The following TNIP2 variants were observed in gnomAD, a reference collection of about 807,000 sequenced individuals.
TNIP2 encodes the protein TNFAIP3-interacting protein 2.
TNIP2 carries 30 observed loss-of-function variants against 43.7 expected under a neutral mutation model. The observed-to-expected ratio is 0.69, with a 90% CI of 0.51 to 0.93. TNIP2 has a LOEUF of 0.93. Ranked by LOEUF, TNIP2 falls within the 40% of genes least tolerant of loss-of-function variation. The probability of loss-of-function intolerance (pLI) is 0.00; values close to 1 mark genes in which losing one functional copy is unlikely to be tolerated. For missense variants in TNIP2, 599 were observed against 591.0 expected (o/e 1.01, Z -0.14); for synonymous variants, 260 against 254.6 (o/e 1.02, Z -0.20).
At chr4:2,747,044 G>GC (rs1401831831) in intron 2 of TNIP2, among the ~76,000 whole-genome samples, 4 of 152,204 alleles carry the variant, frequency 2.6e-5, no homozygotes, top group Non-Finnish European at 5.9e-5. Context: ...TGGTGCCGCT[G>GC]CCCCCGGCCC....
In TNIP2 at chr4:2,744,276, C is replaced by G; in HGVS notation, c.1026+111G>C. The stretch of plus-strand genomic sequence containing the variant: ...CAGCAGGGAGGGGCTCGCCACAACC[C>G]TCATCACCAGCAAATCAGGGCCTTG... On this transcript the variant is annotated intron_variant, in intron 5 of 5. Transcript: ENST00000315423. The surrounding 1 kb of genome is among the most constrained non-coding windows in gnomAD (Gnocchi z 5.1). 6.9e-7 allele frequency: 1 copy of G among 1,439,812 alleles called. No homozygotes were observed. The highest frequency in any genetic ancestry group is 1.3e-5 in the South Asian group (1 of 78,248). 89.2% of individuals were successfully genotyped at this position (1,439,812 alleles called of 1,614,324 possible). A position where few individuals can be genotyped will look rare whatever the true frequency, so the allele number is the denominator to read the frequency against.
At position 2,744,529 on chromosome 4, in the gene TNIP2, T is replaced by A; in HGVS notation, c.907-23A>T. ...AATCTGAAGAGAGGCGAGACACACATTTCTGCTCAAGGAAGGAGGAAGCGC... is the reference window on the plus strand; with the variant it reads ...AATCTGAAGAGAGGCGAGACACACAATTCTGCTCAAGGAAGGAGGAAGCGC... On this transcript the variant is annotated intron_variant, in intron 4 of 5. Transcript: ENST00000315423. This position sits in a 1 kb window ranked among gnomAD's most constrained non-coding sequence, Gnocchi z 5.1. The A allele has an allele frequency of 1.2e-6, 2 of 1,614,024 alleles. No individual in the cohort carries two copies. Among genetic ancestry groups the A allele is most frequent in the Non-Finnish European group, 1.7e-6 (2 of 1,179,976 alleles).
chr4:2,753,088 AAAAAT>A (rs1722142664), intron 1 of TNIP2, among the ~76,000 whole-genome samples: 1 of 152,184 alleles, frequency 6.6e-6, no homozygotes, highest in Non-Finnish European at 1.5e-5. Context: ...AAATAAAAAT[AAAAAT>A]AAAAAAACAA....
chr4:2,743,889 C>T (rs999730539), intron 5 of TNIP2, among the ~76,000 whole-genome samples: 4 of 152,226 alleles, frequency 2.6e-5, no homozygotes, highest in Non-Finnish European at 5.9e-5. Flanking sequence ...CCAGGCCTCC[C>T]TCAAGGCACC....
In TNIP2 at chr4:2,747,873, G is replaced by A. The variant is rs752454015; in HGVS notation, c.349C>T (p.His117Tyr). 1 of 1,613,832 alleles carries A rather than the reference G, an allele frequency of 6.2e-7. No individual in the cohort carries two copies. The highest frequency in any genetic ancestry group is 1.7e-5 in the Admixed American group (1 of 60,028). ...AGGACGACTTCCTTCTCTCGCTCGT[G>A]TTGGGGCTGGCTCAGCAGCTGCTGC... Reference protein sequence around the residue: ...EMQQLLSQPQHEREKEVVLLR... With the variant: ...EMQQLLSQPQYEREKEVVLLR... The change falls in exon 2 of 6, where the codon CAC becomes TAC. Residue 117 changes from histidine (H) to tyrosine (Y), a missense_variant. By Grantham distance (83) the His-to-Tyr change is moderately conservative (BLOSUM62 2). Transcript: ENST00000315423.
chr4:2,744,703 T>A lies in TNIP2; in HGVS notation c.900A>T (p.Glu300Asp). Residue 300 changes from glutamate (E) to aspartate (D), a missense_variant, in exon 4 of 6, where the codon GAA (glutamate) becomes GAT (aspartate). Physicochemically the swap from Glu to Asp is conservative, Grantham distance 45 (BLOSUM62 2). Transcript: ENST00000315423. The surrounding 1 kb of genome is among the most constrained non-coding windows in gnomAD (Gnocchi z 5.1). ...GAGCCCGAGGGACAGACACCTGCTG[T>A]TCCAGCATCTGCACCCGCTCCAACG... ...DAALERVQML[E>D]QQILAYKDDF... is the part of the protein sequence containing the mutation. 1 of 1,602,100 alleles carries A rather than the reference T, an allele frequency of 6.2e-7. No homozygotes were observed. Among genetic ancestry groups the A allele is most frequent in the Non-Finnish European group, 8.5e-7 (1 of 1,179,136 alleles).
chr4:2,747,236 G>C (rs950041901), intron 2 of TNIP2, among the ~76,000 whole-genome samples: 6 of 152,218 alleles, frequency 3.9e-5, no homozygotes, highest in African/African-American at 9.6e-5. Context: ...CAGGAGTTTG[G>C]GGTGTGGAAC....
In TNIP2 at chr4:2,742,401, C is replaced by T. The variant is rs1407754329; in HGVS notation, c.1146G>A (p.Gln382=). The part of the protein sequence containing the change: ...PGGWRPGTGS[Q]QPEPPAEGGH... The stretch of plus-strand genomic sequence containing the variant: ...CGCCCTCTGCAGGGGGTTCTGGCTG[C>T]TGGGACCCAGTCCCAGGCCTCCAGC... The change falls in exon 6 of 6, where the codon CAG becomes CAA. Residue 382 remains glutamine (Q), a synonymous_variant. Transcript: ENST00000315423. 1 of 1,611,546 alleles carries T rather than the reference C, an allele frequency of 6.2e-7. No individual in the cohort carries two copies. Among genetic ancestry groups the T allele is most frequent in the Admixed American group, 1.7e-5 (1 of 59,752 alleles).
chr4:2,750,058 C>T (rs1367685981), intron 1 of TNIP2, among the ~76,000 whole-genome samples: 6 of 152,184 alleles, frequency 3.9e-5, no homozygotes, highest in Non-Finnish European at 8.8e-5. Flanking sequence ...CTGCCTCAGC[C>T]TCCCAAAGTG....
At chr4:2,755,967 C>G in intron 1 of TNIP2, 47 bp downstream of exon 1, 1 of 1,499,360 alleles carries the variant, frequency 6.7e-7, no homozygotes, top group Non-Finnish European at 8.8e-7. Context: ...CGGCGGCCGC[C>G]ACACGCACTC....
At position 2,744,624 on chromosome 4, in the gene TNIP2, T is replaced by A; in HGVS notation, c.906+73A>T. On this transcript the variant is annotated intron_variant, in intron 4 of 5. Coordinates refer to ENST00000315423, the MANE Select transcript of TNIP2 (RefSeq NM_024309.4). This position sits in a 1 kb window ranked among gnomAD's most constrained non-coding sequence, Gnocchi z 5.1. The stretch of plus-strand genomic sequence containing the variant: ...GTGCCACCAAGCCTTCAGCCCAGCC[T>A]GTCCCATGATTTCGGCCACCACCGG... 2 of 1,570,634 alleles carry A rather than the reference T, an allele frequency of 1.3e-6. No individual in the cohort carries two copies. The highest frequency in any genetic ancestry group is 1.1e-5 in the South Asian group (1 of 88,450).
intron 1 of TNIP2, among the ~76,000 whole-genome samples, chr4:2,753,080 AT>A (rs758970534): frequency 2.9e-4 from 44 of 152,296 alleles, no homozygotes; most frequent in Non-Finnish European, 4.3e-4. Context: ...CTCTAAAAAA[AT>A]AAAAATAAAA....
chr4:2,755,782 TCCC>T (rs1403206755), intron 1 of TNIP2, among the ~76,000 whole-genome samples: 1 of 43,602 alleles, frequency 2.3e-5, no homozygotes, highest in Non-Finnish European at 4.6e-5. Context: ...GACCTGATGC[TCCC>T]CCAACCCCTC....
At chr4:2,742,913 T>C (rs902637690) in intron 5 of TNIP2, among the ~76,000 whole-genome samples, 10 of 152,192 alleles carry the variant, frequency 6.6e-5, no homozygotes, top group African/African-American at 2.4e-4. Flanking sequence ...AACCCTACTC[T>C]GCACCTCCTC....
chr4:2,753,568 A>T (rs1273635666), intron 1 of TNIP2, among the ~76,000 whole-genome samples: 1 of 152,256 alleles, frequency 6.6e-6, no homozygotes, highest in African/African-American at 2.4e-5. Flanking sequence ...AGCTGCAATA[A>T]GCTGCTTGGT....
At chr4:2,749,325 G>C (rs956699645) in intron 1 of TNIP2, among the ~76,000 whole-genome samples, 1 of 152,194 alleles carries the variant, frequency 6.6e-6, no homozygotes, top group African/African-American at 2.4e-5. Context: ...GGGATAGGTA[G>C]AAACTCCACT....
intron 5 of TNIP2, among the ~76,000 whole-genome samples, 158 bp from the exon 6 acceptor site, chr4:2,742,678 G>A (rs552213402): frequency 9.9e-5 from 15 of 152,274 alleles, no homozygotes; most frequent in African/African-American, 2.2e-4. Flanking sequence ...ACAAGGGGGC[G>A]CTCAGTGAAT....
intron 1 of TNIP2, among the ~76,000 whole-genome samples, chr4:2,750,947 C>T (rs1021315552): frequency 6.6e-6 from 1 of 152,172 alleles, no homozygotes; most frequent in East Asian, 1.9e-4. Flanking sequence ...CAACACTGAG[C>T]CCAGCCCCAC....
At chr4:2,748,381 C>A (rs949533868) in intron 1 of TNIP2, among the ~76,000 whole-genome samples, 3 of 151,896 alleles carry the variant, frequency 2.0e-5, no homozygotes, top group African/African-American at 7.3e-5. Context: ...CTCGCTCTGT[C>A]GCTCAGGCTC....
Sources: gnomAD v4.1 joint callset for allele counts (sites outside exome capture counted in the v4.1 genomes callset) on GRCh38, gnomAD v4.1.1 for gene constraint, Gnocchi (gnomAD v3.1) non-coding constraint, MANE v1.5 for transcripts, NCBI Gene and HGNC (gene_info 2026-07-23, HGNC 2026-07-21) for gene names.